The following TRPM1 variants were observed in gnomAD, a reference collection of about 807,000 sequenced individuals.
TRPM1 encodes transient receptor potential cation channel subfamily M member 1.
A neutral mutation model predicts 149.4 loss-of-function variants in TRPM1; 113 were observed. That is an observed-to-expected ratio of 0.76 (90% CI 0.65 to 0.88). The LOEUF (loss-of-function observed/expected upper bound fraction) is 0.88, where lower values mean the gene tolerates loss of function less well. Among genes scored for constraint, TRPM1 ranks in the 40% least tolerant of loss-of-function variants. The pLI, the probability that TRPM1 is intolerant of heterozygous loss-of-function variation, is 0.00. For missense variants in TRPM1, 1,976 were observed against 2,038.7 expected (o/e 0.97, Z 0.59); for synonymous variants, 741 against 759.5 (o/e 0.98, Z 0.40).
At chr15:31,036,943 C>T (rs2033413197) in intron 20 of TRPM1, among the ~76,000 whole-genome samples, 1 of 152,252 alleles carries the variant, frequency 6.6e-6, no homozygotes. Flanking sequence ...CTGCTCTCAC[C>T]TCATCACCAG....
chr15:31,094,348 C>A (rs1381340332), intron 1 of TRPM1, among the ~76,000 whole-genome samples: 1 of 152,004 alleles, frequency 6.6e-6, no homozygotes, highest in Non-Finnish European at 1.5e-5. Context: ...AAAGAAAAAG[C>A]AGGTAAGTTG....
chr15:31,084,968 T>G (rs1215619420), intron 1 of TRPM1, among the ~76,000 whole-genome samples: 5 of 151,688 alleles, frequency 3.3e-5, no homozygotes, highest in African/African-American at 1.2e-4. Flanking sequence ...GGATTACAGG[T>G]ATGAGCTGCC....
intron 1 of TRPM1, among the ~76,000 whole-genome samples, chr15:31,156,891 C>T (rs1301291080): frequency 6.6e-6 from 1 of 151,376 alleles, no homozygotes; most frequent in Admixed American, 6.6e-5. Flanking sequence ...TTGGATTTCC[C>T]TTGTTTTAGA....
chr15:31,013,935 G>A (rs1480472718), intron 27 of TRPM1, among the ~76,000 whole-genome samples: 1 of 152,160 alleles, frequency 6.6e-6, no homozygotes, highest in Non-Finnish European at 1.5e-5. Context: ...TTTCTGAGAA[G>A]CTGTATGTGT....
chr15:31,026,298 C>T, intron 26 of TRPM1, 27 bp from the exon 27 acceptor site: 2 of 1,606,632 alleles, frequency 1.2e-6, no homozygotes, highest in Non-Finnish European at 1.7e-6. Flanking sequence ...GTGTCGGCCA[C>T]GTGAAAAACA....
At position 31,109,147 on chromosome 15, in the gene TRPM1, A is replaced by G. The variant is rs140350221; in HGVS notation, c.55-32163T>C. 4.3e-4 allele frequency among the ~76,000 whole-genome samples: 66 copies of G among 152,214 alleles called. No homozygotes were observed. In the East Asian group the frequency reaches 0.012, roughly 27 times the overall value. ...CAGCTTTGACACGCAAGAGGAAAGCATAAAGGGAGAGGGAGCTTTCAAAAG... is the reference window on the plus strand; with the variant it reads ...CAGCTTTGACACGCAAGAGGAAAGCGTAAAGGGAGAGGGAGCTTTCAAAAG... On this transcript the variant is annotated intron_variant, in intron 1 of 26. Transcript: ENST00000542188.
rs778603777 is a variant in TRPM1, at chr15:31,037,681, G to A, written c.2571+30C>T. 9.9e-6 allele frequency: 16 copies of A among 1,613,976 alleles called. No homozygotes were observed. The Admixed American group carries it at 2.2e-4, about 22-fold the overall frequency. On this transcript the variant is annotated intron_variant, in intron 20 of 27. Coordinates refer to ENST00000256552, the MANE Select transcript of TRPM1 (RefSeq NM_001252024.2). The stretch of plus-strand genomic sequence containing the variant: ...CATATCAAAGCATTCAAAATATACT[G>A]AATGTCAAATGTTCAGGAGGAGGCC...
chr15:31,049,480 A>G lies in TRPM1; in HGVS notation c.1467T>C (p.Asp489=). ...AGTCGACACGATCTAAGACTAAAGC[A>G]TCTAGCATCGCTTGCTCCAAAGCAT... ...WVNALEQAML[D]ALVLDRVDFV... The change falls in exon 13 of 28, where the codon GAT becomes GAC. Residue 489 remains aspartate (D), a synonymous_variant. Transcript: ENST00000256552. 1.2e-6 allele frequency: 2 copies of G among 1,614,126 alleles called. No homozygotes were observed. The highest frequency in any genetic ancestry group is 8.5e-7 in the Non-Finnish European group (1 of 1,180,042).
At chr15:31,092,832 G>A (rs7175926) in intron 1 of TRPM1, among the ~76,000 whole-genome samples, 107 of 152,276 alleles carry the variant, frequency 7.0e-4, no homozygotes, top group African/African-American at 2.5e-3. Flanking sequence ...CCATATGGGT[G>A]ACTCTCCAAA....
At chr15:31,024,483 C>T (rs966035220) in intron 27 of TRPM1, among the ~76,000 whole-genome samples, 5 of 152,274 alleles carry the variant, frequency 3.3e-5, no homozygotes, top group Middle Eastern at 3.4e-3. Flanking sequence ...GTGCTCCCAT[C>T]GCTCCTGGGA....
chr15:31,124,029 T>G (rs1207666412), intron 1 of TRPM1, among the ~76,000 whole-genome samples: 1 of 152,178 alleles, frequency 6.6e-6, no homozygotes, highest in Non-Finnish European at 1.5e-5. Context: ...CTGGGTGTGG[T>G]ACCCAGTACT....
chr15:31,088,743 C>T (rs966573390), intron 1 of TRPM1, among the ~76,000 whole-genome samples: 2 of 151,230 alleles, frequency 1.3e-5, no homozygotes, highest in Non-Finnish European at 2.9e-5. Flanking sequence ...TATTCGTCTT[C>T]CTGCTACCTG....
chr15:31,108,586 C>T lies in TRPM1; in HGVS notation c.55-31602G>A, dbSNP rs144619679. Among the ~76,000 whole-genome samples, 118 of 152,182 alleles carry T rather than the reference C, an allele frequency of 7.8e-4. 1 individual carries two copies. Among genetic ancestry groups the T allele is most frequent in the African/African-American group, 2.6e-3 (108 of 41,532 alleles). ...TCAGCTCACTGCAACCTCTGCATCC[C>T]GGGTTCAAGTGATTCTCCGGCCTCA... is the stretch of plus-strand genomic sequence containing the variant. On this transcript the variant is annotated intron_variant, in intron 1 of 26. Coordinates refer to the TRPM1 transcript ENST00000542188.
At chr15:31,061,314 C>T in intron 10 of TRPM1, 128 bp downstream of exon 10, 1 of 889,422 alleles carries the variant, frequency 1.1e-6, no homozygotes, top group South Asian at 1.4e-5. Flanking sequence ...CATGCTGAGA[C>T]TGCTCAAGTG....
intron 5 of TRPM1, 84 bp from the exon 6 acceptor site, chr15:31,067,271 A>T: frequency 6.3e-7 from 1 of 1,584,284 alleles, no homozygotes. Context: ...ACTTGCCCTG[A>T]GTCCCTACAT....
At chr15:31,028,277 G>A in intron 25 of TRPM1, 55 bp downstream of exon 25, 1 of 1,610,034 alleles carries the variant, frequency 6.2e-7, no homozygotes, top group South Asian at 1.1e-5. Flanking sequence ...AGATTAAATG[G>A]AAAATCTGTA....
At chr15:31,081,064 C>A (rs558615675) in intron 2 of TRPM1, among the ~76,000 whole-genome samples, 19 of 152,306 alleles carry the variant, frequency 1.2e-4, no homozygotes, top group Non-Finnish European at 2.1e-4. Context: ...CTGTCCCCCC[C>A]CTTATCGTGC....
chr15:31,125,452 CG>C (rs1239025262), intron 1 of TRPM1, among the ~76,000 whole-genome samples: 1 of 151,828 alleles, frequency 6.6e-6, no homozygotes, highest in Non-Finnish European at 1.5e-5. Context: ...TACATGCGGC[CG>C]GGCGCAGTGG....
chr15:31,060,150 C>CACACAT lies in TRPM1; in HGVS notation c.1263+393_1263+394insATGTGT, dbSNP rs2034188061. The CACACAT allele has an allele frequency of 5.2e-5, 15 of 288,972 alleles. 1 individual carries two copies. The highest frequency in any genetic ancestry group is 4.9e-4 in the South Asian group (15 of 30,506). 17.9% of individuals were successfully genotyped at this position (288,972 alleles called of 1,614,324 possible). A position where few individuals can be genotyped will look rare whatever the true frequency, so the allele number is the denominator to read the frequency against. ...ACACACATAGACACACACACATAAA[C>CACACAT]ACACACACACACAGAGTTCTCTAGG... On this transcript the variant is annotated intron_variant, in intron 11 of 27. Coordinates refer to ENST00000256552, the MANE Select transcript of TRPM1 (RefSeq NM_001252024.2).
Sources: gnomAD v4.1 joint callset for allele counts (sites outside exome capture counted in the v4.1 genomes callset) on GRCh38, gnomAD v4.1.1 for gene constraint, MANE v1.5 for transcripts, NCBI Gene and HGNC (gene_info 2026-07-23, HGNC 2026-07-21) for gene names.